The following FRMD1 variants were observed in gnomAD, a reference collection of about 807,000 sequenced individuals.
FRMD1 encodes FERM domain containing 1, also known as FERM domain-containing protein 1.
A neutral mutation model predicts 54.9 loss-of-function variants in FRMD1; 51 were observed. The ratio of observed to expected loss-of-function variants is 0.93; its 90% CI spans 0.74 to 1.17. The LOEUF (loss-of-function observed/expected upper bound fraction) is 1.17, where lower values mean the gene tolerates loss of function less well. Among genes scored for constraint, FRMD1 ranks in the 50% most tolerant of loss-of-function variants. FRMD1 has a pLI of 0.00. For synonymous variants in FRMD1, 324 were observed against 306.4 expected, an observed-to-expected ratio of 1.06 and a Z score of -0.60; for missense variants, 729 against 743.0, an observed-to-expected ratio of 0.98 and a Z score of 0.22.
chr6:168,061,712 A>G, intron 8 of FRMD1, 95 bp downstream of exon 8: 1 of 1,303,364 alleles, frequency 7.7e-7, no homozygotes, highest in Non-Finnish European at 1.0e-6. Context: ...ACAATAAGAG[A>G]CAGAAGGCAT....
chr6:168,056,389 C>T lies in FRMD1; in HGVS notation c.*708G>A, dbSNP rs759715985. 1 of 152,382 alleles carries T rather than the reference C, an allele frequency of 6.6e-6. No homozygotes were observed. The highest frequency in any genetic ancestry group is 1.5e-5 in the Non-Finnish European group (1 of 68,186). The allele number at this position is 152,382 out of a possible 1,614,324, so 9.4% of individuals were successfully genotyped here. The stretch of plus-strand genomic sequence containing the variant: ...CTGTGAGCAGAGTGGGTCCTGAGGC[C>T]TCATGGCTGAGATGGGAGCAGAGTC... On this transcript the variant is annotated 3_prime_UTR_variant, in exon 11 of 11. Transcript: ENST00000283309.
chr6:168,077,574 GGC>G (rs959492542), intron 1 of FRMD1, among the ~76,000 whole-genome samples: 9 of 152,246 alleles, frequency 5.9e-5, no homozygotes, highest in Non-Finnish European at 1.3e-4. Flanking sequence ...GATAGGAAGT[GGC>G]TCTGTGGTTG....
At chr6:168,063,922 G>A (rs1411738828) in intron 5 of FRMD1, among the ~76,000 whole-genome samples, 166 bp from the exon 6 acceptor site, 1 of 152,190 alleles carries the variant, frequency 6.6e-6, no homozygotes, top group African/African-American at 2.4e-5. Context: ...TGAAGTCTCA[G>A]TGCCCACTGT....
chr6:168,076,253 G>A (rs1014150703), intron 1 of FRMD1, among the ~76,000 whole-genome samples: 2 of 152,260 alleles, frequency 1.3e-5, no homozygotes, highest in African/African-American at 4.8e-5. Flanking sequence ...GGGCACAGCT[G>A]GGGCAGCTGG....
intron 9 of FRMD1, 119 bp downstream of exon 9, chr6:168,060,642 G>T (rs993469930): frequency 1.1e-5 from 11 of 993,902 alleles, no homozygotes; most frequent in Admixed American, 5.2e-5. Context: ...AGCCCCTCAC[G>T]TCTGGCCACT....
At position 168,054,957 on chromosome 6, in the gene FRMD1, A is replaced by C. The variant is rs1799353309; in HGVS notation, c.*2140T>G. On this transcript the variant is annotated 3_prime_UTR_variant, in exon 11 of 11. Transcript: ENST00000283309. ...GGCCGTCCCCTCTTGGGCAAGTCTCAGGGCAGCGGGCCTCTAATTGTCCTC... is the reference window on the plus strand; with the variant it reads ...GGCCGTCCCCTCTTGGGCAAGTCTCCGGGCAGCGGGCCTCTAATTGTCCTC... 1 of 152,338 alleles carries C rather than the reference A, an allele frequency of 6.6e-6. No homozygotes were observed. Among genetic ancestry groups the C allele is most frequent in the Non-Finnish European group, 1.5e-5 (1 of 68,116 alleles). The allele number at this position is 152,338 out of a possible 1,614,324, so 9.4% of individuals were successfully genotyped here. A position where few individuals can be genotyped will look rare whatever the true frequency, so the allele number is the denominator to read the frequency against.
At chr6:168,075,985 G>A (rs1800577518) in intron 1 of FRMD1, 2 of 1,055,964 alleles carry the variant, frequency 1.9e-6, no homozygotes, top group Non-Finnish European at 2.7e-6. Context: ...CCGGCGTCTC[G>A]CATGTGACAC....
intron 5 of FRMD1, 140 bp downstream of exon 5, chr6:168,064,731 G>A (rs1344924931): frequency 7.1e-7 from 1 of 1,408,622 alleles, no homozygotes; most frequent in East Asian, 2.5e-5. Flanking sequence ...AAGGACAGGT[G>A]ATTGCCCTGT....
At chr6:168,065,201 C>T (rs537530650) in intron 4 of FRMD1, 144 bp from the exon 5 acceptor site, 48 of 1,423,246 alleles carry the variant, frequency 3.4e-5, no homozygotes, top group African/African-American at 4.3e-5. Flanking sequence ...ATACCCACAG[C>T]TGTGTCCCTG....
chr6:168,056,975 G>C lies in FRMD1; in HGVS notation c.*122C>G. The stretch of plus-strand genomic sequence containing the variant: ...CACCTCTTACAGGTGAACCTGTGGA[G>C]CGTGCTGGCTGCGGAAGTGCAGGCA... On this transcript the variant is annotated 3_prime_UTR_variant, in exon 11 of 11. Coordinates refer to ENST00000283309, the MANE Select transcript of FRMD1 (RefSeq NM_024919.6). 1.7e-6 allele frequency: 2 copies of C among 1,195,596 alleles called. No homozygotes were observed. The highest frequency in any genetic ancestry group is 2.2e-6 in the Non-Finnish European group (2 of 898,064). 74.1% of individuals were successfully genotyped at this position (1,195,596 alleles called of 1,614,324 possible).
chr6:168,086,475 C>G (rs964825460), upstream of FRMD1, among the ~76,000 whole-genome samples: 3 of 151,696 alleles, frequency 2.0e-5, no homozygotes, highest in Non-Finnish European at 4.4e-5. Context: ...GCATGGACAC[C>G]CACATTTTCA....
intron 7 of FRMD1, chr6:168,062,577 C>T (rs1276442507): frequency 7.8e-7 from 1 of 1,288,050 alleles, no homozygotes; most frequent in African/African-American, 1.5e-5. Context: ...GGGACCTGCA[C>T]CTCTTCGGGT....
At chr6:168,080,590 C>T (rs957422095), upstream of FRMD1, among the ~76,000 whole-genome samples, 11 of 152,140 alleles carry the variant, frequency 7.2e-5, no homozygotes, top group Non-Finnish European at 1.5e-4. Context: ...TCAGGAAGGG[C>T]GGCAGCAGCT....
In FRMD1 at chr6:168,060,774, A is replaced by G; in HGVS notation, c.1329T>C (p.Arg443=). 1 of 1,609,242 alleles carries G rather than the reference A, an allele frequency of 6.2e-7. No individual in the cohort carries two copies. The highest frequency in any genetic ancestry group is 1.7e-5 in the Admixed American group (1 of 59,946). ...CCTCGGGCCCACCTTGGCTGTCACC[A>G]CGTGTGCTGGGGTGGCTGCGGCTGG... is the stretch of plus-strand genomic sequence containing the variant. ...PRTSRSHPST[R]GDSQATRQEP... The change falls in exon 9 of 11, where the codon CGT becomes CGC. Residue 443 remains arginine (R), a synonymous_variant. Coordinates refer to ENST00000283309, the MANE Select transcript of FRMD1 (RefSeq NM_024919.6).
At chr6:168,091,065 T>C (rs1200513986) in intron 1 of FRMD1, among the ~76,000 whole-genome samples, 1 of 152,212 alleles carries the variant, frequency 6.6e-6, no homozygotes, top group Non-Finnish European at 1.5e-5. Context: ...TATGGGGGGT[T>C]ATGAATGTGA....
Position 168,070,163 on chromosome 6 carries a change from G to A in FRMD1, c.305-2717C>T, listed in dbSNP as rs888984348. On this transcript the variant is annotated intron_variant, in intron 2 of 10. Coordinates refer to ENST00000283309, the MANE Select transcript of FRMD1 (RefSeq NM_024919.6). ...CCACCTGAGCCATGATCATAGCACT[G>A]CATTCCAGCCTGGGTGGCAGAGTGA... Among the ~76,000 whole-genome samples the A allele has an allele frequency of 2.0e-5, 3 of 151,650 alleles. No individual in the cohort carries two copies. In the East Asian group the frequency reaches 5.8e-4, roughly 29 times the overall value.
chr6:168,084,293 A>AG (rs1479235888), upstream of FRMD1, among the ~76,000 whole-genome samples: 12 of 152,250 alleles, frequency 7.9e-5, no homozygotes, highest in Non-Finnish European at 1.6e-4. Context: ...AGGAGCCTCC[A>AG]GGGCAGGTGG....
chr6:168,075,210 G>T, intron 2 of FRMD1, 35 bp downstream of exon 2: 26 of 1,587,114 alleles, frequency 1.6e-5, no homozygotes, highest in Non-Finnish European at 2.2e-5. Context: ...GCGGCCCCTG[G>T]GCATTCCTGC....
At chr6:168,063,905 C>A (rs1332913815) in intron 5 of FRMD1, 149 bp from the exon 6 acceptor site, 3 of 898,964 alleles carry the variant, frequency 3.3e-6, no homozygotes, top group South Asian at 3.8e-5. Flanking sequence ...GAGCCCAGAA[C>A]CAGAGATGAA....
Sources: gnomAD v4.1 joint callset for allele counts (sites outside exome capture counted in the v4.1 genomes callset) on GRCh38, gnomAD v4.1.1 for gene constraint, MANE v1.5 for transcripts, NCBI Gene and HGNC (gene_info 2026-07-23, HGNC 2026-07-21) for gene names.